The following LHFPL3 variants were observed in gnomAD, a reference collection of about 807,000 sequenced individuals.
The protein encoded by LHFPL3 is LHFPL tetraspan subfamily member 3 protein.
In LHFPL3, 5 loss-of-function variants were observed where a neutral mutation model predicts 19.3. The ratio of observed to expected loss-of-function variants is 0.26; its 90% confidence interval spans 0.14 to 0.54. The LOEUF (loss-of-function observed/expected upper bound fraction) is 0.54. Among genes scored for constraint, LHFPL3 ranks in the 20% least tolerant of loss-of-function variants. LHFPL3 has a pLI of 0.94. For synonymous variants in LHFPL3, 133 were observed against 126.2 expected (o/e 1.05, Z -0.36); for missense variants, 249 against 307.4 (o/e 0.81, Z 1.42).
intron 2 of LHFPL3, among the ~76,000 whole-genome samples, chr7:104,794,041 T>C (rs935606255): frequency 2.6e-5 from 4 of 152,176 alleles, no homozygotes; most frequent in African/African-American, 9.7e-5. Flanking sequence ...AGACAGATGT[T>C]CCCACTTTGT....
At chr7:104,818,949 CGTCT>C (rs1287077914) in intron 2 of LHFPL3, among the ~76,000 whole-genome samples, 1 of 152,094 alleles carries the variant, frequency 6.6e-6, no homozygotes. Flanking sequence ...TTTCTCTCCT[CGTCT>C]GTCTGTTACA....
In LHFPL3 at chr7:104,736,838, C is replaced by G; in HGVS notation, c.609C>G (p.Leu203=). ...TTGGAATTTTGGATGCCCTGATCCT[C>G]TCATTTCTAGCATTTGTGCTTGGTA... The part of the protein sequence containing the change: ...AIIGILDALI[L]SFLAFVLGNR... Residue 203 remains leucine, a synonymous_variant, in exon 2 of 3, where the codon CTC becomes CTG. Transcript: ENST00000424859. 1 of 1,612,950 alleles carries G rather than the reference C, an allele frequency of 6.2e-7. No individual in the cohort carries two copies. Among genetic ancestry groups the G allele is most frequent in the Non-Finnish European group, 8.5e-7 (1 of 1,179,544 alleles).
At chr7:104,825,091 G>A (rs1790791489) in intron 2 of LHFPL3, among the ~76,000 whole-genome samples, 1 of 150,662 alleles carries the variant, frequency 6.6e-6, no homozygotes, top group Admixed American at 6.7e-5. Flanking sequence ...GGGGGAGAGA[G>A]TTAAGATAGG....
chr7:104,490,340 G>A (rs1253117359), intron 1 of LHFPL3, among the ~76,000 whole-genome samples: 2 of 152,210 alleles, frequency 1.3e-5, no homozygotes, highest in East Asian at 1.9e-4. Context: ...CATGGAAGCA[G>A]CCCAAATCAT....
At chr7:104,744,322 T>G (rs1477559240) in intron 2 of LHFPL3, 2 of 152,164 alleles carry the variant, frequency 1.3e-5, no homozygotes, top group Non-Finnish European at 2.9e-5. Flanking sequence ...ATAAAAACCT[T>G]ACTGAAGTAA....
chr7:104,598,156 A>C (rs1790899418), intron 1 of LHFPL3, among the ~76,000 whole-genome samples: 1 of 152,220 alleles, frequency 6.6e-6, no homozygotes, highest in Non-Finnish European at 1.5e-5. Context: ...ATTTTCAAGC[A>C]CAAAATTAAT....
At chr7:104,621,116 C>T (rs754754478) in intron 1 of LHFPL3, among the ~76,000 whole-genome samples, 9 of 152,196 alleles carry the variant, frequency 5.9e-5, no homozygotes, top group African/African-American at 1.9e-4. Flanking sequence ...AGTCTCTGAA[C>T]CCATCCCCAG....
intron 1 of LHFPL3, among the ~76,000 whole-genome samples, chr7:104,386,079 C>T (rs1406722687): frequency 6.6e-6 from 1 of 152,138 alleles, no homozygotes; most frequent in Non-Finnish European, 1.5e-5. Context: ...GTCCTATTCC[C>T]ATCCTCCTCC....
intron 1 of LHFPL3, among the ~76,000 whole-genome samples, chr7:104,463,673 A>C (rs947097256): frequency 3.3e-5 from 5 of 152,188 alleles, no homozygotes; most frequent in African/African-American, 1.2e-4. Flanking sequence ...GAAAGCAGAG[A>C]AAAGCCCCTT....
chr7:104,756,048 T>A (rs188593294), intron 2 of LHFPL3, among the ~76,000 whole-genome samples: 39 of 152,070 alleles, frequency 2.6e-4, no homozygotes, highest in African/African-American at 9.4e-4. Context: ...AGTCTTGCTA[T>A]GGGGCCAGGG....
intron 2 of LHFPL3, among the ~76,000 whole-genome samples, chr7:104,783,798 G>T (rs542375566): frequency 6.6e-6 from 1 of 152,208 alleles, no homozygotes; most frequent in East Asian, 1.9e-4. Flanking sequence ...TCCATTGCTT[G>T]TATTTTAGTA....
intron 1 of LHFPL3, among the ~76,000 whole-genome samples, chr7:104,453,885 A>T (rs1251529655): frequency 6.6e-6 from 1 of 152,020 alleles, no homozygotes; most frequent in Non-Finnish European, 1.5e-5. Flanking sequence ...CTTCCACCAT[A>T]ATTGTAAGCT....
At chr7:104,420,716 T>C (rs566485728) in intron 1 of LHFPL3, among the ~76,000 whole-genome samples, 59 of 152,168 alleles carry the variant, frequency 3.9e-4, no homozygotes, top group African/African-American at 1.2e-3. Flanking sequence ...CCCGCCACCA[T>C]GCCCGGCTAA....
At chr7:104,756,264 C>A (rs917208473) in intron 2 of LHFPL3, among the ~76,000 whole-genome samples, 3 of 152,122 alleles carry the variant, frequency 2.0e-5, no homozygotes, top group Non-Finnish European at 4.4e-5. Context: ...ACTAGACACA[C>A]CTTGCACTGA....
At chr7:104,905,390 G>T (rs1792577448) in intron 2 of LHFPL3, among the ~76,000 whole-genome samples, 1 of 152,160 alleles carries the variant, frequency 6.6e-6, no homozygotes, top group South Asian at 2.1e-4. Flanking sequence ...GAGTAGAAAG[G>T]AATGAGAATG....
At chr7:104,743,115 C>T (rs1793968302) in intron 2 of LHFPL3, among the ~76,000 whole-genome samples, 1 of 151,778 alleles carries the variant, frequency 6.6e-6, no homozygotes, top group African/African-American at 2.4e-5. Flanking sequence ...AGAGAGACTC[C>T]ATCTCAAAAA....
intron 2 of LHFPL3, among the ~76,000 whole-genome samples, chr7:104,809,849 C>G (rs756929885): frequency 1.4e-4 from 22 of 152,118 alleles, no homozygotes; most frequent in Non-Finnish European, 2.1e-4. Flanking sequence ...TGCACAGAGC[C>G]AGGTGCTGGG....
intron 1 of LHFPL3, among the ~76,000 whole-genome samples, chr7:104,604,356 C>T (rs1343151751): frequency 6.6e-6 from 1 of 152,142 alleles, no homozygotes; most frequent in East Asian, 1.9e-4. Flanking sequence ...TGGGCCTGTC[C>T]CCCAAAACTA....
intron 1 of LHFPL3, among the ~76,000 whole-genome samples, chr7:104,628,461 AT>A (rs982536316): frequency 6.6e-6 from 1 of 152,046 alleles, no homozygotes; most frequent in Non-Finnish European, 1.5e-5. Context: ...ATGCTCAGTG[AT>A]TTTTTTTATC....
Sources: allele counts gnomAD v4.1 joint callset (sites outside exome capture counted in the v4.1 genomes callset), GRCh38; gene constraint gnomAD v4.1.1; transcripts MANE v1.5; gene names NCBI Gene and HGNC (gene_info 2026-07-23, HGNC 2026-07-21).